Variants in RP2 observed in about 807,000 individuals in gnomAD.
RP2 encodes RP2 activator of ARL3 GTPase.
Under a neutral mutation model 20.3 loss-of-function variants are expected in RP2, and 3 were observed. That is an observed-to-expected ratio of 0.15 (90% CI 0.07 to 0.38). The LOEUF (loss-of-function observed/expected upper bound fraction) is 0.38. Among genes scored for constraint, RP2 ranks in the 10% least tolerant of loss-of-function variants. RP2 has a pLI of 1.00. For missense variants in RP2, 233 were observed against 268.5 expected (o/e 0.87, Z 0.92); for synonymous variants, 75 against 94.8 (o/e 0.79, Z 1.22).
At chrX:46,878,231 G>T (rs1925407071) in intron 4 of RP2, among the ~76,000 whole-genome samples, 1 of 109,689 alleles carries the variant, frequency 9.1e-6, no homozygotes, top group South Asian at 4.0e-4. Context: ...AAAAAAATTA[G>T]CCGGGCGTAG....
intron 1 of RP2, among the ~76,000 whole-genome samples, chrX:46,847,767 TGTGTGTGTGTACATACACAC>T (rs782501330): frequency 0.045 from 3,066 of 68,393 alleles, 132 homozygotes; most frequent in African/African-American, 0.14. Flanking sequence ...TATACACACA[TGTGTGTGTGTACATACACAC>T]ATGTGTGTGT....
chrX:46,849,319 T>C (rs1556317752), intron 1 of RP2, among the ~76,000 whole-genome samples: 1 of 110,175 alleles, frequency 9.1e-6, no homozygotes, highest in Non-Finnish European at 1.9e-5. Context: ...GCCTTCTGAG[T>C]AGCTAGGACT....
At chrX:46,839,952 G>T (rs782222554) in intron 1 of RP2, among the ~76,000 whole-genome samples, 1 of 111,961 alleles carries the variant, frequency 8.9e-6, no homozygotes, top group South Asian at 3.7e-4. Flanking sequence ...TTTTTCCTTA[G>T]GTTGTGTAAT....
rs1363634599 is a variant in RP2, at chrX:46,880,775, A to C, written c.*1006A>C. ...CACTGTTTCCCAAATCTACCTGATC[A>C]TAATAATTTACCAGGAAGCAGAGGA... On this transcript the variant is annotated 3_prime_UTR_variant, in exon 5 of 5. Transcript: ENST00000218340. The C allele has an allele frequency of 8.9e-6, 1 of 112,345 alleles. No individual in the cohort carries two copies. Among genetic ancestry groups the C allele is most frequent in the Non-Finnish European group, 1.9e-5 (1 of 53,301 alleles). The allele number at this position is 112,345 out of a possible 1,213,427, so 9.3% of individuals were successfully genotyped here. A position where few individuals can be genotyped will look rare whatever the true frequency, so the allele number is the denominator to read the frequency against.
chrX:46,862,609 A>G (rs374828070), intron 3 of RP2, among the ~76,000 whole-genome samples: 32 of 110,718 alleles, frequency 2.9e-4, no homozygotes, highest in Admixed American at 1.2e-3. Context: ...GCAGTGAGCC[A>G]AGATCGCGCC....
intron 3 of RP2, among the ~76,000 whole-genome samples, chrX:46,862,504 CA>C (rs1181859748): frequency 6.4e-5 from 7 of 108,751 alleles, no homozygotes; most frequent in Non-Finnish European, 1.3e-4. Context: ...ACTAAAAATA[CA>C]AAAAATTAGC....
intron 4 of RP2, 143 bp downstream of exon 4, chrX:46,877,733 T>TGTGTGTGTGTG: frequency 7.2e-6 from 3 of 414,559 alleles, no homozygotes; most frequent in South Asian, 1.0e-4. Flanking sequence ...TGTGTGTGTG[T>TGTGTGTGTGTG]TTAAAGCAGA....
intron 2 of RP2, among the ~76,000 whole-genome samples, chrX:46,856,001 T>G (rs1924953369): frequency 8.9e-6 from 1 of 111,882 alleles, no homozygotes; most frequent in African/African-American, 3.2e-5. Flanking sequence ...TCTCTTTTGC[T>G]TATGCCTATG....
At chrX:46,842,983 CAT>C (rs1207288555) in intron 1 of RP2, among the ~76,000 whole-genome samples, 5 of 107,226 alleles carry the variant, frequency 4.7e-5, no homozygotes, top group Non-Finnish European at 9.6e-5. Flanking sequence ...ATTGCTGGGT[CAT>C]ATGGTAACTC....
intron 1 of RP2, among the ~76,000 whole-genome samples, chrX:46,851,413 G>C (rs933988429): frequency 9.0e-6 from 1 of 110,744 alleles, no homozygotes; most frequent in African/African-American, 3.3e-5. Context: ...AAGGCAGGCA[G>C]ATCATCCAAG....
chrX:46,877,829 A>G (rs782584099), intron 4 of RP2, among the ~76,000 whole-genome samples: 2 of 111,054 alleles, frequency 1.8e-5, no homozygotes, highest in South Asian at 7.6e-4. Flanking sequence ...TGTTTAAAAT[A>G]ATTACAAAAT....
chrX:46,852,940 T>G (rs1268913855), intron 1 of RP2, among the ~76,000 whole-genome samples: 1 of 111,685 alleles, frequency 9.0e-6, no homozygotes, highest in Non-Finnish European at 1.9e-5. Flanking sequence ...AGAAAAAGTA[T>G]CAGAAAGCTG....
chrX:46,875,042 T>A (rs896134563), intron 3 of RP2, among the ~76,000 whole-genome samples: 10 of 111,390 alleles, frequency 9.0e-5, no homozygotes, highest in Non-Finnish European at 3.8e-5. Flanking sequence ...TTTTATTTTT[T>A]AATTTTTTTT....
Position 46,881,690 on chromosome X carries a change from G to C in RP2, c.*1921G>C, listed in dbSNP as rs1220650473. The C allele has an allele frequency of 9.1e-6, 1 of 110,420 alleles. No individual in the cohort carries two copies. Among genetic ancestry groups the C allele is most frequent in the Non-Finnish European group, 1.9e-5 (1 of 52,932 alleles). The allele number at this position is 110,420 out of a possible 1,213,427, so 9.1% of individuals were successfully genotyped here. A position where few individuals can be genotyped will look rare whatever the true frequency, so the allele number is the denominator to read the frequency against. On this transcript the variant is annotated 3_prime_UTR_variant, in exon 5 of 5. Transcript: ENST00000218340. Reference sequence around the variant, plus strand: ...GGGTTTTTCCACGTTGGTCAGGCTGGTCTCGAACTCCTGACCTCAGGTGAT... The same window carrying C: ...GGGTTTTTCCACGTTGGTCAGGCTGCTCTCGAACTCCTGACCTCAGGTGAT...
intron 1 of RP2, among the ~76,000 whole-genome samples, chrX:46,840,266 C>T (rs981759096): frequency 1.2e-4 from 13 of 112,378 alleles, no homozygotes; most frequent in African/African-American, 4.2e-4. Context: ...AGGCGTGAGC[C>T]ACCGCTCCCA....
Position 46,882,279 on chromosome X carries a change from A to G in RP2, c.*2510A>G, listed in dbSNP as rs1414770806. 1 of 111,909 alleles carries G rather than the reference A, an allele frequency of 8.9e-6. No individual in the cohort carries two copies. The highest frequency in any genetic ancestry group is 1.9e-5 in the Non-Finnish European group (1 of 53,188). 9.2% of individuals were successfully genotyped at this position (111,909 alleles called of 1,213,427 possible). The stretch of plus-strand genomic sequence containing the variant: ...ACTGCTGTTTTTGTTTTGCTTCTTT[A>G]TATTTATGTCTAGCTTTTATATGTA... On this transcript the variant is annotated 3_prime_UTR_variant, in exon 5 of 5. Transcript: ENST00000218340.
intron 1 of RP2, among the ~76,000 whole-genome samples, chrX:46,847,991 GTC>G (rs782079775): frequency 5.0e-5 from 5 of 99,674 alleles, no homozygotes; most frequent in Admixed American, 2.2e-4. Context: ...AAGTTATATA[GTC>G]TCTGTGTGCC....
At chrX:46,861,742 G>A (rs1409407305) in intron 3 of RP2, among the ~76,000 whole-genome samples, 1 of 111,329 alleles carries the variant, frequency 9.0e-6, no homozygotes, top group Admixed American at 9.6e-5. Flanking sequence ...CTCAGGAGCT[G>A]AGGTGGGAGG....
At chrX:46,855,531 G>A (rs782192510) in intron 2 of RP2, among the ~76,000 whole-genome samples, 3 of 110,363 alleles carry the variant, frequency 2.7e-5, no homozygotes, top group East Asian at 2.9e-4. Context: ...GCAGTGGCGC[G>A]ATCTCAGCTC....
Sources: gnomAD v4.1 joint callset for allele counts (sites outside exome capture counted in the v4.1 genomes callset) on GRCh38, gnomAD v4.1.1 for gene constraint, MANE v1.5 for transcripts, NCBI Gene and HGNC (gene_info 2026-07-23, HGNC 2026-07-21) for gene names.